Variants in RGS7 observed in about 807,000 individuals in gnomAD.
The protein encoded by RGS7 is regulator of G-protein signaling 7.
RGS7 carries 27 observed loss-of-function variants against 81.1 expected under a neutral mutation model. The ratio of observed to expected loss-of-function variants is 0.33; its 90% CI spans 0.25 to 0.46. RGS7 has a LOEUF of 0.46. Among genes scored for constraint, RGS7 ranks in the 20% least tolerant of loss-of-function variants. RGS7 has a pLI of 1.00. For missense variants in RGS7, 396 were observed against 607.4 expected (o/e 0.65, Z 3.66); for synonymous variants, 208 against 207.7 (o/e 1.00, Z -0.01).
At chr1:241,037,232 T>C (rs1184488611) in intron 3 of RGS7, among the ~76,000 whole-genome samples, 1 of 152,150 alleles carries the variant, frequency 6.6e-6, no homozygotes. Context: ...AGATGTGTTA[T>C]TTGGAGACAA....
chr1:240,883,992 C>T (rs545684255), intron 6 of RGS7, among the ~76,000 whole-genome samples: 5 of 148,020 alleles, frequency 3.4e-5, no homozygotes, highest in East Asian at 2.0e-4. Flanking sequence ...AGGAGAATCG[C>T]TCGAACCTGG....
At chr1:241,105,751 T>C (rs982185289) in intron 2 of RGS7, among the ~76,000 whole-genome samples, 22 of 152,248 alleles carry the variant, frequency 1.4e-4, no homozygotes, top group Non-Finnish European at 2.9e-5. Flanking sequence ...ACATTTGTTA[T>C]GAAGTAAAGC....
chr1:240,922,615 A>C (rs890972418), intron 6 of RGS7, among the ~76,000 whole-genome samples: 4 of 152,140 alleles, frequency 2.6e-5, no homozygotes, highest in African/African-American at 4.8e-5. Flanking sequence ...TATGCATGTG[A>C]AGAGGTGCTC....
At chr1:241,022,488 T>C (rs891117773) in intron 3 of RGS7, among the ~76,000 whole-genome samples, 2 of 152,162 alleles carry the variant, frequency 1.3e-5, no homozygotes, top group African/African-American at 4.8e-5. Context: ...TTGAGATACT[T>C]TGCAGAGTCT....
At chr1:241,012,899 G>C (rs1558595731) in intron 3 of RGS7, among the ~76,000 whole-genome samples, 1 of 152,036 alleles carries the variant, frequency 6.6e-6, no homozygotes, top group Admixed American at 6.6e-5. Flanking sequence ...TGCTACCCGT[G>C]AGGTTTCATC....
chr1:241,072,865 C>T (rs78755109), intron 3 of RGS7, among the ~76,000 whole-genome samples: 7,933 of 152,190 alleles, frequency 0.052, 276 homozygotes, highest in African/African-American at 0.094. Flanking sequence ...TATCCCAGGT[C>T]TTGCCACTGT....
chr1:240,875,552 A>T (rs947962989), intron 6 of RGS7, among the ~76,000 whole-genome samples: 1 of 152,132 alleles, frequency 6.6e-6, no homozygotes, highest in Non-Finnish European at 1.5e-5. Flanking sequence ...GATCCCCAGA[A>T]TTGGAATTGC....
At chr1:241,043,490 G>A (rs571486206) in intron 3 of RGS7, among the ~76,000 whole-genome samples, 19 of 148,934 alleles carry the variant, frequency 1.3e-4, no homozygotes, top group Admixed American at 2.7e-4. Context: ...GTTGAAACCC[G>A]CTAATATGGA....
chr1:240,905,406 C>T (rs994281205), intron 6 of RGS7, among the ~76,000 whole-genome samples: 3 of 152,054 alleles, frequency 2.0e-5, no homozygotes, highest in African/African-American at 7.2e-5. Flanking sequence ...GACAGGTAGG[C>T]GGAGAGAGGA....
intron 3 of RGS7, among the ~76,000 whole-genome samples, chr1:241,097,816 G>A (rs2064386744): frequency 6.6e-6 from 1 of 152,022 alleles, no homozygotes; most frequent in Non-Finnish European, 1.5e-5. Flanking sequence ...CAAACCCGCG[G>A]GGGTTCCTCA....
chr1:241,340,877 G>T (rs1353296407), intron 2 of RGS7, among the ~76,000 whole-genome samples: 2 of 152,174 alleles, frequency 1.3e-5, no homozygotes, highest in African/African-American at 4.8e-5. Flanking sequence ...ACTAGTGACA[G>T]AAGGAGTTAC....
intron 9 of RGS7, among the ~76,000 whole-genome samples, chr1:240,851,159 C>T (rs979607612): frequency 3.2e-4 from 49 of 152,154 alleles, no homozygotes; most frequent in African/African-American, 1.1e-3. Flanking sequence ...GGCTTCAAAG[C>T]TTGGAAGGAC....
At chr1:241,051,718 C>G (rs541663882) in intron 3 of RGS7, among the ~76,000 whole-genome samples, 2 of 152,106 alleles carry the variant, frequency 1.3e-5, no homozygotes, top group African/African-American at 4.8e-5. Flanking sequence ...ATCTGAGAAC[C>G]AAGATGCATG....
chr1:240,801,960 T>G (rs1688090122), intron 16 of RGS7, among the ~76,000 whole-genome samples: 1 of 152,120 alleles, frequency 6.6e-6, no homozygotes, highest in Non-Finnish European at 1.5e-5. Flanking sequence ...TTCTATGCTG[T>G]CCAATACAGA....
chr1:241,037,257 CTA>C (rs1001365046), intron 3 of RGS7, among the ~76,000 whole-genome samples: 3 of 152,134 alleles, frequency 2.0e-5, no homozygotes, highest in Non-Finnish European at 2.9e-5. Context: ...TTTGTTAAGT[CTA>C]TCATCTGCAA....
chr1:240,858,607 A>G (rs1365070002), intron 9 of RGS7, among the ~76,000 whole-genome samples: 1 of 152,094 alleles, frequency 6.6e-6, no homozygotes, highest in Non-Finnish European at 1.5e-5. Flanking sequence ...TTATTTGTAT[A>G]TTTTGAATAC....
At chr1:241,011,850 T>G (rs958219032) in intron 3 of RGS7, among the ~76,000 whole-genome samples, 2 of 152,006 alleles carry the variant, frequency 1.3e-5, no homozygotes, top group African/African-American at 4.8e-5. Context: ...GATCTTTTGA[T>G]ATATATATAT....
intron 3 of RGS7, among the ~76,000 whole-genome samples, chr1:241,051,007 A>G (rs2061220946): frequency 6.6e-6 from 1 of 152,066 alleles, no homozygotes; most frequent in East Asian, 1.9e-4. Flanking sequence ...TAACCCCCAC[A>G]TTGTTCAAAG....
intron 2 of RGS7, among the ~76,000 whole-genome samples, chr1:241,332,117 T>C (rs2082009513): frequency 6.6e-6 from 1 of 152,198 alleles, no homozygotes; most frequent in Non-Finnish European, 1.5e-5. Flanking sequence ...CGTGTAGTTT[T>C]TAAAAGTAAT....
Sources: allele counts gnomAD v4.1 joint callset (sites outside exome capture counted in the v4.1 genomes callset), GRCh38; gene constraint gnomAD v4.1.1; transcripts MANE v1.5; gene names NCBI Gene and HGNC (gene_info 2026-07-23, HGNC 2026-07-21).